CEP128: variants seen among roughly 807,000 people sequenced by gnomAD.
CEP128 encodes the protein centrosomal protein 128kDa.
CEP128 carries 132 observed loss-of-function variants against 156.7 expected under a neutral mutation model. The ratio of observed to expected loss-of-function variants is 0.84; its 90% CI spans 0.73 to 0.97. The LOEUF is 0.97. Among genes scored for constraint, CEP128 ranks in the 50% least tolerant of loss-of-function variants. The pLI, the probability that CEP128 is intolerant of heterozygous loss-of-function variation, is 0.00. For synonymous variants in CEP128, 469 were observed against 448.9 expected (o/e 1.04, Z -0.57); for missense variants, 1,252 against 1,281.9 (o/e 0.98, Z 0.36).
chr14:80,587,432 G>C (rs1053257641), intron 19 of CEP128, among the ~76,000 whole-genome samples: 1 of 152,162 alleles, frequency 6.6e-6, no homozygotes, highest in Admixed American at 6.5e-5. Flanking sequence ...TCTGTCTTGG[G>C]TATGTGGTAA....
At chr14:80,957,146 C>A (rs192204363) in intron 2 of CEP128, among the ~76,000 whole-genome samples, 1 of 152,280 alleles carries the variant, frequency 6.6e-6, no homozygotes, top group East Asian at 1.9e-4. Context: ...TTTCTTCCCA[C>A]TTTCTGGCCC....
intron 9 of CEP128, among the ~76,000 whole-genome samples, chr14:80,861,551 C>T (rs1261553155): frequency 6.6e-6 from 1 of 151,962 alleles, no homozygotes; most frequent in East Asian, 1.9e-4. Flanking sequence ...CATGAAGAAA[C>T]ATCAAGAAAC....
chr14:80,681,634 T>C (rs1049423854), intron 19 of CEP128, among the ~76,000 whole-genome samples: 41 of 152,192 alleles, frequency 2.7e-4, no homozygotes, highest in African/African-American at 9.9e-4. Context: ...TTATAAGCAT[T>C]GTCATTTCCT....
chr14:80,756,907 C>A lies in CEP128; in HGVS notation c.2598G>T (p.Trp866Cys). Residue 866 changes from tryptophan (W) to cysteine (C), a missense_variant, in exon 18 of 25, where the codon TGG becomes TGT. By Grantham distance (215) the Trp-to-Cys change is radical. Transcript: ENST00000555265. Reference sequence around the variant, plus strand: ...GATTAATTACCTTGCTTTCTGCTAACCAGCGATGTGGGTCATAATGTATAT... The same window carrying A: ...GATTAATTACCTTGCTTTCTGCTAAACAGCGATGTGGGTCATAATGTATAT... ...GPDIHYDPHRWLAESKTKLQW... is the reference protein window; with the variant it reads ...GPDIHYDPHRCLAESKTKLQW... The A allele has an allele frequency of 6.3e-7, 1 of 1,598,844 alleles. No homozygotes were observed. Among genetic ancestry groups the A allele is most frequent in the Non-Finnish European group, 8.6e-7 (1 of 1,167,966 alleles).
intron 8 of CEP128, among the ~76,000 whole-genome samples, chr14:80,883,240 T>A (rs1441679813): frequency 6.6e-6 from 1 of 151,714 alleles, no homozygotes; most frequent in African/African-American, 2.4e-5. Context: ...AAAGGCTGAA[T>A]CTTTGAGAGT....
intron 19 of CEP128, among the ~76,000 whole-genome samples, chr14:80,623,023 A>G (rs981038626): frequency 1.3e-5 from 2 of 152,332 alleles, no homozygotes; most frequent in East Asian, 1.9e-4. Flanking sequence ...TGTTTATTGC[A>G]GCACTATTCA....
intron 19 of CEP128, among the ~76,000 whole-genome samples, chr14:80,736,839 C>T (rs1025644803): frequency 6.6e-6 from 1 of 152,192 alleles, no homozygotes; most frequent in African/African-American, 2.4e-5. Context: ...TCACAGTTGA[C>T]ATCTGCACAG....
intron 19 of CEP128, among the ~76,000 whole-genome samples, chr14:80,644,825 AG>A (rs1566830339): frequency 6.6e-6 from 1 of 152,210 alleles, no homozygotes; most frequent in Non-Finnish European, 1.5e-5. Context: ...GATACAAAAA[AG>A]GCACAATAGC....
intron 13 of CEP128, among the ~76,000 whole-genome samples, chr14:80,808,850 T>C (rs1884342315): frequency 6.6e-6 from 1 of 152,068 alleles, no homozygotes; most frequent in South Asian, 2.1e-4. Flanking sequence ...GCCACTAATG[T>C]GTCTTCAGGA....
intron 2 of CEP128, among the ~76,000 whole-genome samples, chr14:80,932,820 T>C (rs989033551): frequency 2.0e-5 from 3 of 152,180 alleles, no homozygotes; most frequent in Admixed American, 6.5e-5. Flanking sequence ...GTGAAAAAAT[T>C]GTCCTCCATG....
At chr14:80,583,631 C>G (rs1891681999) in intron 19 of CEP128, among the ~76,000 whole-genome samples, 1 of 152,156 alleles carries the variant, frequency 6.6e-6, no homozygotes, top group African/African-American at 2.4e-5. Context: ...GTTGAAGAAA[C>G]TTATTAAGCA....
At chr14:80,765,632 T>C (rs1368697595) in intron 16 of CEP128, among the ~76,000 whole-genome samples, 6 of 152,178 alleles carry the variant, frequency 3.9e-5, no homozygotes, top group Admixed American at 3.9e-4. Flanking sequence ...CTAGGGAATG[T>C]AGGTAACTTC....
intron 21 of CEP128, among the ~76,000 whole-genome samples, chr14:80,540,867 C>T (rs1037477580): frequency 6.6e-6 from 1 of 152,098 alleles, no homozygotes; most frequent in African/African-American, 2.4e-5. Flanking sequence ...GGCGGAATCC[C>T]CAGAAGGCCA....
Position 80,743,203 on chromosome 14 carries a change from T to C in CEP128, c.2678A>G (p.His893Arg). ...ERENREKNLR[H>R]QLMLCRQQLR... is the part of the protein sequence containing the mutation. Reference sequence around the variant, plus strand: ...TTGTTGTCTGCAGAGCATCAGCTGGTGTCGCAGATTTTTCTCTCTGTTTTC... The same window carrying C: ...TTGTTGTCTGCAGAGCATCAGCTGGCGTCGCAGATTTTTCTCTCTGTTTTC... The change falls in exon 19 of 25, where the codon CAC becomes CGC. Residue 893 changes from histidine to arginine, a missense_variant. Physicochemically the swap from His to Arg is conservative, Grantham distance 29. Transcript: ENST00000555265. 6.2e-7 allele frequency: 1 copy of C among 1,613,720 alleles called. No individual in the cohort carries two copies. The highest frequency in any genetic ancestry group is 1.1e-5 in the South Asian group (1 of 91,072).
intron 13 of CEP128, chr14:80,822,902 G>T (rs1208881771): frequency 3.7e-6 from 2 of 541,666 alleles, no homozygotes; most frequent in Non-Finnish European, 6.8e-6. Context: ...TTTTTTTTAA[G>T]CTATGTTGTT....
intron 19 of CEP128, among the ~76,000 whole-genome samples, chr14:80,722,534 AAT>A (rs914235513): frequency 5.9e-5 from 9 of 151,322 alleles, no homozygotes; most frequent in African/African-American, 1.9e-4. Context: ...AAGTATATAT[AAT>A]ATATATATAA....
chr14:80,756,814 A>G, intron 18 of CEP128, 78 bp downstream of exon 18: 1 of 955,702 alleles, frequency 1.0e-6, no homozygotes, highest in Non-Finnish European at 1.6e-6. Context: ...TTACATAACA[A>G]AATAAATAGC....
At chr14:80,889,775 T>C (rs1888997550) in intron 8 of CEP128, among the ~76,000 whole-genome samples, 1 of 151,780 alleles carries the variant, frequency 6.6e-6, no homozygotes, top group African/African-American at 2.4e-5. Flanking sequence ...AATAGACAAA[T>C]AGGATCTAAT....
chr14:80,710,674 C>T (rs117121564), intron 19 of CEP128, among the ~76,000 whole-genome samples: 1,694 of 151,802 alleles, frequency 0.011, 15 homozygotes, highest in Non-Finnish European at 0.015. Context: ...TTGTTTGATC[C>T]TACATCAACC....
Sources: allele counts gnomAD v4.1 joint callset (sites outside exome capture counted in the v4.1 genomes callset), GRCh38; gene constraint gnomAD v4.1.1; transcripts MANE v1.5; gene names NCBI Gene and HGNC (gene_info 2026-07-23, HGNC 2026-07-21).